Variants in NRG1 observed in about 807,000 individuals in gnomAD.
The protein encoded by NRG1 is neuregulin 1.
Under a neutral mutation model 63.8 loss-of-function variants are expected in NRG1, and 18 were observed. That is an observed-to-expected ratio of 0.28 (90% CI 0.19 to 0.42). NRG1 has a LOEUF of 0.42. NRG1 is among the 10% of genes least tolerant of loss of function. The pLI is 1.00. For synonymous variants in NRG1, 302 were observed against 301.3 expected, an observed-to-expected ratio of 1.00 and a Z score of -0.02; for missense variants, 762 against 814.7, an observed-to-expected ratio of 0.94 and a Z score of 0.79.
intron 1 of NRG1, among the ~76,000 whole-genome samples, chr8:32,518,493 C>G (rs114333129): frequency 0.012 from 1,817 of 152,190 alleles, 36 homozygotes; most frequent in African/African-American, 0.041. Context: ...TGGAGTTCCC[C>G]ATTCCTGCTG....
chr8:32,297,605 C>A (rs150830407), intron 1 of NRG1, among the ~76,000 whole-genome samples: 122 of 152,284 alleles, frequency 8.0e-4, no homozygotes, highest in African/African-American at 2.8e-3. Context: ...AAGTCCTTGC[C>A]CAGGGCTGTT....
rs147405877 is a variant in NRG1 at position 32,695,465 on chromosome 8, TA to T, written c.503-32483del. 1.5e-3 allele frequency among the ~76,000 whole-genome samples: 231 copies of T among 152,304 alleles called. 1 individual carries two copies. Among genetic ancestry groups the T allele is most frequent in the African/African-American group, 5.4e-3 (226 of 41,582 alleles). ...AAACTTGAGAAAAGCAATGTACCCT[TA>T]TCACAGTTTTATGGGAAAGTACACA... On this transcript the variant is annotated intron_variant, in intron 5 of 11. Coordinates refer to ENST00000356819, the Ensembl canonical transcript of NRG1.
At chr8:32,196,771 C>G (rs183900865) in intron 1 of NRG1, among the ~76,000 whole-genome samples, 1 of 152,006 alleles carries the variant, frequency 6.6e-6, no homozygotes, top group African/African-American at 2.4e-5. Flanking sequence ...AATCAACATA[C>G]TCAAAGTCTG....
intron 1 of NRG1, among the ~76,000 whole-genome samples, chr8:31,733,832 A>G (rs933989067): frequency 6.6e-6 from 1 of 152,176 alleles, no homozygotes; most frequent in Non-Finnish European, 1.5e-5. Flanking sequence ...AGCTTTCCAA[A>G]CAATGAGAGG....
Position 32,540,983 on chromosome 8 carries a change from C to T in NRG1, c.38-54845C>T, listed in dbSNP as rs892033910. ...TAAATCATCTTTAAAAGATGACTTG[C>T]CTTCTTGAGTTGTTAATACTTGTGA... On this transcript the variant is annotated intron_variant, in intron 1 of 10. Transcript: ENST00000519301. Among the ~76,000 whole-genome samples the T allele has an allele frequency of 2.6e-5, 4 of 152,232 alleles. No homozygotes were observed. The East Asian group carries it at 7.7e-4, about 29-fold the overall frequency.
chr8:31,730,940 A>G (rs1293265397), intron 1 of NRG1, among the ~76,000 whole-genome samples: 1 of 152,176 alleles, frequency 6.6e-6, no homozygotes, highest in Non-Finnish European at 1.5e-5. Flanking sequence ...CAGGAAAAAC[A>G]GCAGAATAGA....
At chr8:32,340,251 A>C (rs1210099798) in intron 1 of NRG1, among the ~76,000 whole-genome samples, 2 of 152,206 alleles carry the variant, frequency 1.3e-5, no homozygotes, top group Non-Finnish European at 2.9e-5. Flanking sequence ...ACATACACAC[A>C]CACACTTTTA....
chr8:32,208,290 T>TC (rs1206846770), intron 1 of NRG1, among the ~76,000 whole-genome samples: 6 of 152,052 alleles, frequency 3.9e-5, no homozygotes, highest in Non-Finnish European at 7.4e-5. Context: ...TTTTAATTTT[T>TC]TTTTTTTTTT....
chr8:32,096,480 G>A (rs1284048175), intron 1 of NRG1, among the ~76,000 whole-genome samples: 1 of 152,090 alleles, frequency 6.6e-6, no homozygotes, highest in Non-Finnish European at 1.5e-5. Flanking sequence ...ATATATTATT[G>A]TTAATTATAT....
chr8:32,694,536 T>C (rs529920207), intron 5 of NRG1, among the ~76,000 whole-genome samples: 20 of 152,350 alleles, frequency 1.3e-4, no homozygotes, highest in African/African-American at 4.3e-4. Flanking sequence ...CTAATAATAA[T>C]AAAGTCTGAG....
intron 1 of NRG1, among the ~76,000 whole-genome samples, chr8:31,781,128 T>G (rs1475558970): frequency 6.6e-6 from 1 of 152,168 alleles, no homozygotes; most frequent in Non-Finnish European, 1.5e-5. Flanking sequence ...TTGAAAATCT[T>G]TGGGAGGCTC....
At chr8:31,729,298 A>G (rs1042104579) in intron 1 of NRG1, among the ~76,000 whole-genome samples, 2 of 151,910 alleles carry the variant, frequency 1.3e-5, no homozygotes, top group Non-Finnish European at 2.9e-5. Context: ...ATTAAAATAG[A>G]TTCTGCTTTC....
chr8:32,067,693 A>G (rs938710721), intron 1 of NRG1, among the ~76,000 whole-genome samples: 1 of 152,140 alleles, frequency 6.6e-6, no homozygotes, highest in Admixed American at 6.6e-5. Flanking sequence ...ACAGCAAGAG[A>G]TCTCCTCCAC....
At chr8:32,517,520 G>A (rs1293543071) in intron 1 of NRG1, among the ~76,000 whole-genome samples, 1 of 152,100 alleles carries the variant, frequency 6.6e-6, no homozygotes, top group Non-Finnish European at 1.5e-5. Flanking sequence ...GTGTTTATAT[G>A]TTTCTCAAAA....
At chr8:31,954,931 G>A (rs1172929990) in intron 1 of NRG1, among the ~76,000 whole-genome samples, 2 of 152,096 alleles carry the variant, frequency 1.3e-5, no homozygotes, top group African/African-American at 4.8e-5. Context: ...CAAAGATAGA[G>A]GTTCTTTATA....
intron 1 of NRG1, among the ~76,000 whole-genome samples, chr8:32,229,847 A>AT (rs145161997): frequency 1.3e-3 from 192 of 150,930 alleles, no homozygotes; most frequent in African/African-American, 4.4e-3. Context: ...ACATTTTTTC[A>AT]TTTTTTTTTC....
chr8:32,002,830 G>A (rs1324554741), intron 1 of NRG1, among the ~76,000 whole-genome samples: 4 of 152,204 alleles, frequency 2.6e-5, no homozygotes, highest in South Asian at 2.1e-4. Flanking sequence ...AGCTAAACAT[G>A]AGTACATTTT....
chr8:32,555,714 G>T (rs569438324), intron 1 of NRG1, among the ~76,000 whole-genome samples: 3 of 152,082 alleles, frequency 2.0e-5, no homozygotes, highest in African/African-American at 7.2e-5. Flanking sequence ...CTCGTGATCC[G>T]CCCGCCTTGG....
chr8:32,756,499 C>T (rs1474457203), exon 9 of NRG1: 2 of 1,613,342 alleles, frequency 1.2e-6, no homozygotes, highest in Admixed American at 3.3e-5. Context: ...ACCATCCTAA[C>T]CCACCCCCCG....
Sources: allele counts gnomAD v4.1 joint callset (sites outside exome capture counted in the v4.1 genomes callset), GRCh38; gene constraint gnomAD v4.1.1; transcripts MANE v1.5; gene names NCBI Gene and HGNC (gene_info 2026-07-23, HGNC 2026-07-21).